Variants in APPL1 observed in about 807,000 individuals in gnomAD.
APPL1 encodes the protein adaptor protein, phosphotyrosine interacting with PH domain and leucine zipper 1, also known as DCC-interacting protein 13-alpha.
A neutral mutation model predicts 106.8 loss-of-function variants in APPL1; 42 were observed. That is an observed-to-expected ratio of 0.39 (90% CI 0.31 to 0.51). The LOEUF (loss-of-function observed/expected upper bound fraction) is 0.51. Among genes scored for constraint, APPL1 ranks in the 20% least tolerant of loss-of-function variants. APPL1 has a pLI of 0.75. For missense variants in APPL1, 769 were observed against 858.2 expected (o/e 0.90, Z 1.30); for synonymous variants, 263 against 281.8 (o/e 0.93, Z 0.67).
chr3:57,252,651 A>G (rs1238654837), intron 12 of APPL1, among the ~76,000 whole-genome samples: 1 of 152,146 alleles, frequency 6.6e-6, no homozygotes, highest in Non-Finnish European at 1.5e-5. Flanking sequence ...TTGAGACACT[A>G]TTTGCTACAC....
rs760512303 is a variant in APPL1, at chr3:57,256,957, G to A, written c.1153G>A (p.Glu385Lys). 25 of 1,613,102 alleles carry A rather than the reference G, an allele frequency of 1.5e-5. No individual in the cohort carries two copies. The highest frequency in any genetic ancestry group is 1.9e-5 in the Non-Finnish European group (23 of 1,179,622). Reference protein sequence around the residue: ...KQIYLSENPEETAARVNQSAL... With the variant: ...KQIYLSENPEKTAARVNQSAL... Reference sequence around the variant, plus strand: ...TCCTTTTTTAAAAAAATTGAAATAGGAAACTGCTGCACGAGTAAATCAATC... The same window carrying A: ...TCCTTTTTTAAAAAAATTGAAATAGAAAACTGCTGCACGAGTAAATCAATC... Residue 385 changes from glutamate to lysine, a missense_variant and splice_region_variant, in exon 14 of 22, where the codon GAA becomes AAA. Coordinates refer to ENST00000288266, the MANE Select transcript of APPL1 (RefSeq NM_012096.3).
At chr3:57,240,829 C>T (rs893124321) in intron 5 of APPL1, among the ~76,000 whole-genome samples, 2 of 152,130 alleles carry the variant, frequency 1.3e-5, no homozygotes, top group African/African-American at 4.8e-5. Context: ...AGGGAATGAG[C>T]AAGGTGCTGG....
intron 13 of APPL1, among the ~76,000 whole-genome samples, chr3:57,255,068 G>A (rs1055168974): frequency 6.6e-6 from 1 of 152,212 alleles, no homozygotes; most frequent in Non-Finnish European, 1.5e-5. Context: ...ATTTTGTGTG[G>A]CAAGGATATC....
At chr3:57,251,009 G>A (rs1477177733) in intron 11 of APPL1, among the ~76,000 whole-genome samples, 6 of 146,778 alleles carry the variant, frequency 4.1e-5, no homozygotes, top group Non-Finnish European at 7.5e-5. Context: ...GGGTTTCACC[G>A]TGTTAGCCAG....
rs759542284 is a variant in APPL1, at chr3:57,257,261, G to A, written c.1263G>A (p.Pro421=). 11 of 1,612,852 alleles carry A rather than the reference G, an allele frequency of 6.8e-6. No homozygotes were observed. The highest frequency in any genetic ancestry group is 5.5e-5 in the South Asian group (5 of 90,950). Residue 421 remains proline (P), a synonymous_variant, in exon 15 of 22, where the codon CCG becomes CCA. Transcript: ENST00000288266. ...LRPAAGQSRP[P]TARTSSSGSL... Reference sequence around the variant, plus strand: ...TTATGCTTAGACAATCTCGGCCACCGACAGCTCGAACCAGCAGTTCAGGAT... The same window carrying A: ...TTATGCTTAGACAATCTCGGCCACCAACAGCTCGAACCAGCAGTTCAGGAT...
chr3:57,257,524 TCAGC>T (rs2107607363), intron 15 of APPL1, 96 bp downstream of exon 15: 5 of 1,083,110 alleles, frequency 4.6e-6, no homozygotes, highest in South Asian at 4.7e-5. Flanking sequence ...ATAATGTATA[TCAGC>T]TATGTTGTAC....
intron 19 of APPL1, among the ~76,000 whole-genome samples, chr3:57,265,992 C>A (rs2060892803): frequency 6.6e-6 from 1 of 152,180 alleles, no homozygotes; most frequent in Non-Finnish European, 1.5e-5. Flanking sequence ...TGTGATGTAG[C>A]ATATTGATTG....
intron 13 of APPL1, among the ~76,000 whole-genome samples, chr3:57,256,498 A>T (rs1032081194): frequency 6.6e-6 from 1 of 152,236 alleles, no homozygotes; most frequent in African/African-American, 2.4e-5. Context: ...CTTTACCAGC[A>T]TAGTTATAAA....
At chr3:57,261,093 T>A (rs1286321849) in intron 19 of APPL1, among the ~76,000 whole-genome samples, 1 of 152,088 alleles carries the variant, frequency 6.6e-6, no homozygotes, top group East Asian at 1.9e-4. Flanking sequence ...TCAGCTTTTC[T>A]TCATCCTCCC....
intron 4 of APPL1, among the ~76,000 whole-genome samples, chr3:57,239,531 CTT>C (rs1421766502): frequency 6.9e-6 from 1 of 144,916 alleles, no homozygotes; most frequent in Non-Finnish European, 1.6e-5. Flanking sequence ...CTGGTCATCT[CTT>C]TATATATCTG....
chr3:57,232,427 G>A (rs959111729), intron 1 of APPL1, among the ~76,000 whole-genome samples: 3 of 152,116 alleles, frequency 2.0e-5, no homozygotes, highest in African/African-American at 7.2e-5. Flanking sequence ...GTTTCTCCTA[G>A]TAGCATACTG....
At chr3:57,268,214 C>A in intron 20 of APPL1, 184 bp from the exon 21 acceptor site, 1 of 584,616 alleles carries the variant, frequency 1.7e-6, no homozygotes. Flanking sequence ...AACAGTGATA[C>A]TATTACCAAC....
At chr3:57,248,161 T>A in intron 9 of APPL1, 32 bp from the exon 10 acceptor site, 1 of 1,580,606 alleles carries the variant, frequency 6.3e-7, no homozygotes, top group Non-Finnish European at 8.6e-7. Flanking sequence ...TTATTGGTTG[T>A]GATTTGTAGC....
chr3:57,234,718 T>G (rs529691687), intron 1 of APPL1, among the ~76,000 whole-genome samples: 4 of 152,246 alleles, frequency 2.6e-5, no homozygotes, highest in Admixed American at 2.6e-4. Context: ...TGCAGTGGCG[T>G]GATCTCGGCT....
chr3:57,233,339 A>G (rs778173732), intron 1 of APPL1, among the ~76,000 whole-genome samples: 6 of 152,232 alleles, frequency 3.9e-5, no homozygotes, highest in South Asian at 2.1e-4. Context: ...ACAAACAGCA[A>G]TTATCCAGTG....
At chr3:57,229,848 G>A (rs921731534) in intron 1 of APPL1, among the ~76,000 whole-genome samples, 1 of 151,822 alleles carries the variant, frequency 6.6e-6, no homozygotes, top group Non-Finnish European at 1.5e-5. Context: ...TGAGTAGCTG[G>A]GATTACAGAC....
At chr3:57,254,603 G>A (rs899452462) in intron 13 of APPL1, among the ~76,000 whole-genome samples, 2 of 152,168 alleles carry the variant, frequency 1.3e-5, no homozygotes, top group African/African-American at 4.8e-5. Context: ...GAAATGGCAG[G>A]TTTATGAAAC....
intron 11 of APPL1, among the ~76,000 whole-genome samples, chr3:57,250,598 C>T (rs2060798223): frequency 6.6e-6 from 1 of 152,110 alleles, no homozygotes; most frequent in Non-Finnish European, 1.5e-5. Context: ...CAATTTTTAA[C>T]TTAAGTACAT....
rs775580480 is a variant in APPL1 at position 57,249,472 on chromosome 3, G to A, written c.976G>A (p.Asp326Asn). The change falls in exon 11 of 22, where the codon GAC becomes AAC. Residue 326 changes from aspartate (D) to asparagine (N), a missense_variant. Asp to Asn is a conservative substitution (Grantham distance 23). Coordinates refer to ENST00000288266, the MANE Select transcript of APPL1 (RefSeq NM_012096.3). ...AGCAGGAGGCCTGGCCATGGACATA[G>A]ACAACTGTTCAGTGATGGCTGTGGA... ...DVAGGLAMDI[D>N]NCSVMAVDCE... The A allele has an allele frequency of 4.3e-6, 7 of 1,614,056 alleles. No homozygotes were observed. The East Asian group carries it at 1.3e-4, about 31-fold the overall frequency.
Sources: allele counts gnomAD v4.1 joint callset (sites outside exome capture counted in the v4.1 genomes callset), GRCh38; gene constraint gnomAD v4.1.1; transcripts MANE v1.5; gene names NCBI Gene and HGNC (gene_info 2026-07-23, HGNC 2026-07-21).